Variants in OR8G1 observed in about 807,000 individuals in gnomAD.
OR8G1 encodes olfactory receptor family 8 subfamily G member 1, also known as olfactory receptor 8G1.
For synonymous variants in OR8G1, 129 were observed against 133.3 expected (o/e 0.97, Z 0.22); for missense variants, 372 against 356.2 (o/e 1.04, Z -0.36).
intron 1 of OR8G1, among the ~76,000 whole-genome samples, chr11:124,245,077 A>G (rs1013988076): frequency 2.6e-5 from 4 of 151,790 alleles, no homozygotes; most frequent in Admixed American, 2.6e-4. Flanking sequence ...GGTTAGTTAC[A>G]TATGTATACA....
chr11:124,241,939 C>T (rs933092818), intron 1 of OR8G1, among the ~76,000 whole-genome samples: 2 of 152,112 alleles, frequency 1.3e-5, no homozygotes, highest in African/African-American at 4.8e-5. Flanking sequence ...CATCAGTGTC[C>T]CTGAAAGTGA....
intron 1 of OR8G1, among the ~76,000 whole-genome samples, chr11:124,246,461 GA>G (rs1429980122): frequency 6.6e-6 from 1 of 151,828 alleles, no homozygotes; most frequent in Non-Finnish European, 1.5e-5. Flanking sequence ...TATACTATCA[GA>G]AAAAGGAAAG....
intron 2 of OR8G1, among the ~76,000 whole-genome samples, chr11:124,248,163 G>A (rs1479739764): frequency 6.6e-6 from 1 of 151,738 alleles, no homozygotes; most frequent in Non-Finnish European, 1.5e-5. Flanking sequence ...ACATATTTTT[G>A]TAAGGAATTT....
At chr11:124,248,178 G>A (rs1333059613) in intron 2 of OR8G1, among the ~76,000 whole-genome samples, 4 of 151,524 alleles carry the variant, frequency 2.6e-5, no homozygotes, top group Admixed American at 6.6e-5. Context: ...GAATTTGTTC[G>A]GATATTTTCC....
At chr11:124,248,208 C>T (rs970940025) in intron 2 of OR8G1, among the ~76,000 whole-genome samples, 1 of 151,762 alleles carries the variant, frequency 6.6e-6, no homozygotes, top group Non-Finnish European at 1.5e-5. Context: ...AATTTTCTTG[C>T]CTTCATATTA....
chr11:124,250,436 CT>C lies in OR8G1; in HGVS notation c.762del (p.Ala255GlnfsTer31), dbSNP rs576107514. 32 of 1,613,782 alleles carry C rather than the reference CT, an allele frequency of 2.0e-5. No individual in the cohort carries two copies. In the South Asian group the frequency reaches 3.0e-4, roughly 15 times the overall value. On this transcript the variant is annotated frameshift_variant, in exon 3 of 3. Transcript: ENST00000641972. LOFTEE classifies it low-confidence loss of function (END_TRUNC). ...TTGGCGGTTGTAATCTTTTTTGGAT[CT>C]GCAGCATTCATGTACTTGCAGCCAT... ...HMLAVVIFFG[S>X]AAFMYLQPSS...
In OR8G1 at chr11:124,250,088, A is replaced by G. The variant is rs1205832250; in HGVS notation, c.413A>G (p.Asn138Ser). The G allele has an allele frequency of 1.6e-5, 26 of 1,613,614 alleles. No individual in the cohort carries two copies. Among genetic ancestry groups the G allele is most frequent in the East Asian group, 2.2e-5 (1 of 44,876 alleles). ...TTGCTGTACAGTGTCATCATATCCA[A>G]TAAGGCTTGCTTTTCTCTGATTTTA... ...SPLLYSVIIS[N>S]KACFSLILGV... Residue 138 changes from asparagine (N) to serine (S), a missense_variant, in exon 3 of 3, where the codon AAT becomes AGT. Physicochemically the swap from Asn to Ser is conservative, Grantham distance 46. Transcript: ENST00000641972.
At chr11:124,248,391 T>C (rs1246965314) in intron 2 of OR8G1, among the ~76,000 whole-genome samples, 1 of 151,858 alleles carries the variant, frequency 6.6e-6, no homozygotes, top group African/African-American at 2.4e-5. Context: ...TTGGGTTTTG[T>C]TTATGTGTGT....
chr11:124,241,819 G>C (rs61435599), intron 1 of OR8G1, among the ~76,000 whole-genome samples: 2 of 152,048 alleles, frequency 1.3e-5, no homozygotes, highest in Non-Finnish European at 2.9e-5. Context: ...TGAAAGAAGC[G>C]AAGTGTTCCT....
In OR8G1 at chr11:124,250,060, C is replaced by A. The variant is rs1244192271; in HGVS notation, c.385C>A (p.Pro129Thr). 6.2e-7 allele frequency: 1 copy of A among 1,613,756 alleles called. No homozygotes were observed. The highest frequency in any genetic ancestry group is 1.1e-5 in the South Asian group (1 of 91,080). The change falls in exon 3 of 3, where the codon CCC becomes ACC. Residue 129 changes from proline (P) to threonine (T), a missense_variant. Physicochemically the swap from Pro to Thr is conservative, Grantham distance 38 (BLOSUM62 -1). Coordinates refer to ENST00000641972, the MANE Select transcript of OR8G1 (RefSeq NM_001002905.2). ...TGACCGTTACATGGCCATCTGTAGC[C>A]CCTTGCTGTACAGTGTCATCATATC... ...AYDRYMAICS[P>T]LLYSVIISNK...
In OR8G1 at chr11:124,250,501, G is replaced by T. The variant is rs746042386; in HGVS notation, c.826G>T (p.Val276Leu). 1.2e-5 allele frequency: 19 copies of T among 1,613,384 alleles called. No individual in the cohort carries two copies. The highest frequency in any genetic ancestry group is 1.6e-5 in the Non-Finnish European group (19 of 1,179,670). The part of the protein sequence containing the change: ...SSMDQGKVSS[V>L]FYTIIVPMLN... ...CATGGACCAGGGGAAAGTATCCTCTGTGTTTTATACTATTATTGTGCCCAT... is the reference window on the plus strand; with the variant it reads ...CATGGACCAGGGGAAAGTATCCTCTTTGTTTTATACTATTATTGTGCCCAT... Residue 276 changes from valine (V) to leucine (L), a missense_variant, in exon 3 of 3, where the codon GTG becomes TTG. Physicochemically the swap from Val to Leu is conservative, Grantham distance 32. Coordinates refer to ENST00000641972, the MANE Select transcript of OR8G1 (RefSeq NM_001002905.2).
At chr11:124,244,495 G>C (rs1453857939) in intron 1 of OR8G1, among the ~76,000 whole-genome samples, 1 of 151,848 alleles carries the variant, frequency 6.6e-6, no homozygotes, top group Non-Finnish European at 1.5e-5. Flanking sequence ...TGTTGTGAGA[G>C]CCTGTGCAAC....
chr11:124,249,759 C>T lies in OR8G1; in HGVS notation c.84C>T (p.Phe28=), dbSNP rs1307501398. The T allele has an allele frequency of 1.2e-6, 2 of 1,613,856 alleles. No homozygotes were observed. Among genetic ancestry groups the T allele is most frequent in the South Asian group, 1.1e-5 (1 of 91,066 alleles). The change falls in exon 3 of 3, where the codon TTC becomes TTT. Residue 28 remains phenylalanine, a synonymous_variant. Transcript: ENST00000641972. ...AGCCAGAGCTCCAGCTGCCCCTCTT[C>T]CTCCTGTTCTTAGGAATCTATGTGG... The part of the protein sequence containing the change: ...SEQPELQLPL[F]LLFLGIYVVT...
chr11:124,248,784 G>A (rs369363083), intron 2 of OR8G1, among the ~76,000 whole-genome samples: 1 of 151,530 alleles, frequency 6.6e-6, no homozygotes, highest in East Asian at 1.9e-4. Flanking sequence ...TAATTTGAAT[G>A]AGTAAAATGG....
chr11:124,248,171 T>G (rs184817073), intron 2 of OR8G1, among the ~76,000 whole-genome samples: 5 of 152,136 alleles, frequency 3.3e-5, no homozygotes, highest in Admixed American at 3.3e-4. Flanking sequence ...TTGTAAGGAA[T>G]TTGTTCGGAT....
intron 2 of OR8G1, among the ~76,000 whole-genome samples, chr11:124,248,190 G>GT (rs1466117807): frequency 6.6e-6 from 1 of 151,682 alleles, no homozygotes; most frequent in East Asian, 1.9e-4. Flanking sequence ...ATATTTTCCT[G>GT]TTTTTAAAAT....
intron 1 of OR8G1, among the ~76,000 whole-genome samples, chr11:124,247,474 C>G (rs966902748): frequency 1.3e-5 from 2 of 151,742 alleles, no homozygotes; most frequent in Non-Finnish European, 3.0e-5. Flanking sequence ...AAGATAAGAT[C>G]TGAATAGTAA....
rs1315495909 is a variant in OR8G1 at position 124,249,751 on chromosome 11, C to T, written c.76C>T (p.Pro26Ser). Residue 26 changes from proline to serine, a missense_variant, in exon 3 of 3, where the codon CCC becomes TCC. By Grantham distance (74) the Pro-to-Ser change is moderately conservative. Transcript: ENST00000641972. ...GLSEQPELQLPLFLLFLGIYV... is the reference protein window; with the variant it reads ...GLSEQPELQLSLFLLFLGIYV... Reference sequence around the variant, plus strand: ...CTCAGAACAGCCAGAGCTCCAGCTGCCCCTCTTCCTCCTGTTCTTAGGAAT... The same window carrying T: ...CTCAGAACAGCCAGAGCTCCAGCTGTCCCTCTTCCTCCTGTTCTTAGGAAT... The T allele has an allele frequency of 2.5e-6, 4 of 1,613,644 alleles. No individual in the cohort carries two copies. Among genetic ancestry groups the T allele is most frequent in the African/African-American group, 2.7e-5 (2 of 74,874 alleles).
chr11:124,247,858 A>G lies in OR8G1; in HGVS notation c.-39A>G, dbSNP rs1326189498. 1 of 151,886 alleles carries G rather than the reference A, an allele frequency of 6.6e-6. No individual in the cohort carries two copies. The highest frequency in any genetic ancestry group is 1.5e-5 in the Non-Finnish European group (1 of 67,862). 9.4% of individuals were successfully genotyped at this position (151,886 alleles called of 1,614,324 possible). ...CATTTTTGTATAAATCTTCATGTAG[A>G]CAAACGTTTACATTTTTCTTGGGTA... On this transcript the variant is annotated 5_prime_UTR_variant, in exon 2 of 3. Coordinates refer to ENST00000641972, the MANE Select transcript of OR8G1 (RefSeq NM_001002905.2).
Sources: gnomAD v4.1 joint callset for allele counts (sites outside exome capture counted in the v4.1 genomes callset) on GRCh38, gnomAD v4.1.1 for gene constraint, MANE v1.5 for transcripts, NCBI Gene and HGNC (gene_info 2026-07-23, HGNC 2026-07-21) for gene names.